Variants in SFI1 observed in about 807,000 individuals in gnomAD.
The protein encoded by SFI1 is SFI1 centrin binding protein.
A neutral mutation model predicts 207.5 loss-of-function variants in SFI1; 195 were observed. That is an observed-to-expected ratio of 0.94 (90% CI 0.84 to 1.06). The LOEUF (loss-of-function observed/expected upper bound fraction) is 1.06, where lower values mean the gene tolerates loss of function less well. Ranked by LOEUF, SFI1 falls within the 50% of genes least tolerant of loss-of-function variation. The pLI is 0.00. For synonymous variants in SFI1, 630 were observed against 598.9 expected (o/e 1.05, Z -0.76); for missense variants, 1,634 against 1,588.0 (o/e 1.03, Z -0.49).
Position 31,522,795 on chromosome 22 carries a change from A to G in SFI1, c.93-5895A>G, listed in dbSNP as rs1159201187. ...CTCAGCCTCCCAAGTAGCTAGGACT[A>G]CAGGCGTGTGCCACCATGCCCAGCT... is the stretch of plus-strand genomic sequence containing the variant. On this transcript the variant is annotated intron_variant, in intron 2 of 32. Transcript: ENST00000400288. Among the ~76,000 whole-genome samples the G allele has an allele frequency of 3.3e-5, 5 of 152,244 alleles. No homozygotes were observed. The East Asian group carries it at 9.7e-4, about 29-fold the overall frequency.
chr22:31,505,590 C>T (rs897995377), intron 1 of SFI1, among the ~76,000 whole-genome samples: 1 of 151,756 alleles, frequency 6.6e-6, no homozygotes, highest in Non-Finnish European at 1.5e-5. Context: ...CACTGCACTC[C>T]AGCCTGAGTG....
At chr22:31,596,794 A>AC (rs1603290189) in intron 15 of SFI1, among the ~76,000 whole-genome samples, 2 of 151,676 alleles carry the variant, frequency 1.3e-5, no homozygotes, top group African/African-American at 4.8e-5. Flanking sequence ...AAAAAAAAAA[A>AC]AAAAAAATGG....
At chr22:31,616,716 C>A in intron 29 of SFI1, 29 bp from the exon 30 acceptor site, 1 of 1,513,156 alleles carries the variant, frequency 6.6e-7, no homozygotes, top group Non-Finnish European at 8.8e-7. Flanking sequence ...AGCTTCCTTG[C>A]TCAGCATCTA....
In SFI1 at chr22:31,556,995, G is replaced by C; in HGVS notation, c.598G>C (p.Val200Leu). ...AWKSWLIYVVVRRTKLQMQTT... is the reference protein window; with the variant it reads ...AWKSWLIYVVLRRTKLQMQTT... ...GAAGTCCTGGTTGATCTACGTGGTT[G>C]TTCGTAGGACCAAACTTCAGATGCA... is the stretch of plus-strand genomic sequence containing the variant. Residue 200 changes from valine to leucine, a missense_variant, in exon 7 of 33, where the codon GTT becomes CTT. Coordinates refer to ENST00000400288, the MANE Select transcript of SFI1 (RefSeq NM_001007467.3). 6.2e-7 allele frequency: 1 copy of C among 1,612,568 alleles called. No homozygotes were observed. The highest frequency in any genetic ancestry group is 1.1e-5 in the South Asian group (1 of 90,920).
chr22:31,606,547 G>A (rs2069006441), intron 21 of SFI1, 117 bp downstream of exon 21: 2 of 739,516 alleles, frequency 2.7e-6, no homozygotes, highest in Non-Finnish European at 4.5e-6. Context: ...CCTAGAAAAT[G>A]GGTAACTTTC....
At chr22:31,538,318 A>C (rs2059183855) in intron 4 of SFI1, 1 of 150,630 alleles carries the variant, frequency 6.6e-6, no homozygotes, top group African/African-American at 2.4e-5. Flanking sequence ...TCTCTGGAGA[A>C]TAATTTTTCT....
At chr22:31,522,974 A>G (rs574040346) in intron 2 of SFI1, among the ~76,000 whole-genome samples, 1 of 152,284 alleles carries the variant, frequency 6.6e-6, no homozygotes, top group South Asian at 2.1e-4. Flanking sequence ...TTATAGCTCT[A>G]TAATATTCCA....
intron 2 of SFI1, among the ~76,000 whole-genome samples, chr22:31,516,582 G>A (rs1054703932): frequency 1.3e-5 from 2 of 151,876 alleles, no homozygotes; most frequent in Non-Finnish European, 2.9e-5. Context: ...ACTTTGGAAG[G>A]CCAACGCAGG....
chr22:31,611,072 C>T, intron 22 of SFI1, 71 bp from the exon 23 acceptor site: 5 of 1,596,404 alleles, frequency 3.1e-6, no homozygotes, highest in Non-Finnish European at 3.4e-6. Flanking sequence ...CTGCTGTCTG[C>T]ACCTTCACCA....
intron 23 of SFI1, 81 bp from the exon 24 acceptor site, chr22:31,611,685 A>T: frequency 7.3e-7 from 1 of 1,367,356 alleles, no homozygotes; most frequent in Non-Finnish European, 1.0e-6. Flanking sequence ...AGCTGGGCAG[A>T]GGCTGGGTTA....
At chr22:31,593,674 A>C (rs897175789) in intron 15 of SFI1, among the ~76,000 whole-genome samples, 5 of 139,074 alleles carry the variant, frequency 3.6e-5, no homozygotes, top group African/African-American at 1.3e-4. Flanking sequence ...TAGTGAGCCG[A>C]GATCACGCCA....
rs374906915 is a variant in SFI1, at chr22:31,585,216, C to T, written c.1413+82C>T. ...CTTTGGAAAGATTCTTGGAAAAGAC[C>T]TATGCCAAGAAGTCTTATCGTTCTG... On this transcript the variant is annotated intron_variant, in intron 14 of 32. Transcript: ENST00000400288. The T allele has an allele frequency of 9.8e-5, 121 of 1,230,952 alleles. 1 individual carries two copies. The African/African-American group carries it at 1.6e-3, about 16-fold the overall frequency. 76.3% of individuals were successfully genotyped at this position (1,230,952 alleles called of 1,614,324 possible).
chr22:31,618,369 T>G lies in SFI1; in HGVS notation c.3680T>G (p.Ile1227Ser). The change falls in exon 33 of 33, where the codon ATT (isoleucine) becomes AGT (serine). Residue 1227 changes from isoleucine to serine, a missense_variant. Physicochemically the swap from Ile to Ser is moderately radical, Grantham distance 142. Transcript: ENST00000400288. ...AEELQAQRQP[I>S]GACVARIQAL... is the part of the protein sequence containing the mutation. Reference sequence around the variant, plus strand: ...GAGCTCCAGGCTCAGCGCCAGCCCATTGGCGCCTGCGTTGCCCGCATCCAG... The same window carrying G: ...GAGCTCCAGGCTCAGCGCCAGCCCAGTGGCGCCTGCGTTGCCCGCATCCAG... The G allele has an allele frequency of 2.5e-6, 4 of 1,607,768 alleles. No homozygotes were observed. The highest frequency in any genetic ancestry group is 3.4e-6 in the Non-Finnish European group (4 of 1,176,338).
chr22:31,505,760 T>C (rs2054537231), intron 1 of SFI1, among the ~76,000 whole-genome samples: 4 of 152,170 alleles, frequency 2.6e-5, no homozygotes, highest in Admixed American at 2.0e-4. Flanking sequence ...GGCACATACC[T>C]GTGGTCCCAG....
At chr22:31,525,717 CATAGATAGATAGATAGATAGATAGATAG>C (rs71722302) in intron 2 of SFI1, among the ~76,000 whole-genome samples, 21 of 148,606 alleles carry the variant, frequency 1.4e-4, no homozygotes, top group African/African-American at 4.5e-4. Flanking sequence ...CTCTGTCATT[CATAGATAGATAGATAGATAGATAGATAG>C]ATAGATAGAT....
chr22:31,589,351 T>C (rs1356470765), intron 14 of SFI1, 96 bp from the exon 15 acceptor site: 4 of 1,104,798 alleles, frequency 3.6e-6, no homozygotes, highest in Non-Finnish European at 3.7e-6. Flanking sequence ...ATTTTTATTA[T>C]ATAGGAAGCA....
At position 31,590,986 on chromosome 22, in the gene SFI1, T is replaced by TATTG. The variant is rs1556253158; in HGVS notation, c.1544+1412_1544+1415dup. The stretch of plus-strand genomic sequence containing the variant: ...TTATTTATTTATTTATTTATTTTTT[T>TATTG]ATTGATAATTCTTGGGTGTTTCTCA... On this transcript the variant is annotated intron_variant, in intron 15 of 32. Transcript: ENST00000400288. Among the ~76,000 whole-genome samples, 452 of 151,140 alleles carry TATTG rather than the reference T, an allele frequency of 3.0e-3. 2 individuals are homozygous for TATTG. Among genetic ancestry groups the TATTG allele is most frequent in the African/African-American group, 0.01 (423 of 41,226 alleles).
intron 27 of SFI1, chr22:31,614,426 TGGGGC>T: frequency 3.8e-5 from 16 of 419,264 alleles, no homozygotes; most frequent in Admixed American, 9.6e-5. Flanking sequence ...GGTGGGTGCA[TGGGGC>T]CTGGGTCCCG....
chr22:31,504,063 A>T (rs2054251590), intron 1 of SFI1, among the ~76,000 whole-genome samples: 1 of 152,072 alleles, frequency 6.6e-6, no homozygotes, highest in South Asian at 2.1e-4. Context: ...TGGAGAGAAG[A>T]TCAGATGTGA....
Sources: gnomAD v4.1 joint callset for allele counts (sites outside exome capture counted in the v4.1 genomes callset) on GRCh38, gnomAD v4.1.1 for gene constraint, MANE v1.5 for transcripts, NCBI Gene and HGNC (gene_info 2026-07-23, HGNC 2026-07-21) for gene names.